Variants in LRIT1 observed in about 807,000 individuals in gnomAD.
LRIT1 encodes leucine-rich repeat, immunoglobulin-like domain and transmembrane domain-containing protein 1.
A neutral mutation model predicts 24.0 loss-of-function variants in LRIT1; 23 were observed. The observed-to-expected ratio is 0.96, with a 90% CI of 0.69 to 1.36. LRIT1 has a LOEUF of 1.36. Among genes scored for constraint, LRIT1 ranks in the 40% most tolerant of loss-of-function variants. The pLI, the probability that LRIT1 is intolerant of heterozygous loss-of-function variation, is 0.00. For synonymous variants in LRIT1, 361 were observed against 340.5 expected (o/e 1.06, Z -0.66); for missense variants, 846 against 806.3 (o/e 1.05, Z -0.60).
Position 84,241,368 on chromosome 10 carries a change from G to T in LRIT1, c.72C>A (p.Pro24=). Residue 24 remains proline, a synonymous_variant, in exon 1 of 4, where the codon CCC becomes CCA. Transcript: ENST00000372105. ...AWPPQARGFC[P]SQCSCSLHIM... ...TATGGAGGCTGCAGCTGCATTGAGA[G>T]GGGCAGAAGCCCCGGGCCTGGGGGG... The T allele has an allele frequency of 6.2e-7, 1 of 1,613,346 alleles. No homozygotes were observed.
intron 1 of LRIT1, among the ~76,000 whole-genome samples, chr10:84,239,384 A>G (rs996104979): frequency 1.3e-5 from 2 of 152,188 alleles, no homozygotes; most frequent in African/African-American, 4.8e-5. Context: ...GTTGGAAGCT[A>G]CAGTGAGCTA....
intron 2 of LRIT1, among the ~76,000 whole-genome samples, chr10:84,235,105 A>G (rs1224429775): frequency 6.6e-6 from 1 of 152,248 alleles, no homozygotes; most frequent in East Asian, 1.9e-4. Context: ...GAAATGCAAG[A>G]TAAATACACT....
rs1842667299 is a variant in LRIT1 at position 84,238,095 on chromosome 10, T to C, written c.123-409A>G. Reference sequence around the variant, plus strand: ...TTGGCCGGGCACAGTGGCTCACGCCTGTAATCCCAGCACTTTGGGAGGTGG... The same window carrying C: ...TTGGCCGGGCACAGTGGCTCACGCCCGTAATCCCAGCACTTTGGGAGGTGG... On this transcript the variant is annotated intron_variant, in intron 1 of 3. Coordinates refer to ENST00000372105, the MANE Select transcript of LRIT1 (RefSeq NM_015613.3). Among the ~76,000 whole-genome samples, 3 of 152,232 alleles carry C rather than the reference T, an allele frequency of 2.0e-5. No homozygotes were observed. In the South Asian group the frequency reaches 6.2e-4, roughly 32 times the overall value.
intron 1 of LRIT1, among the ~76,000 whole-genome samples, chr10:84,239,834 C>G (rs114009801): frequency 2.0e-3 from 301 of 152,344 alleles, no homozygotes; most frequent in African/African-American, 7.0e-3. Context: ...GAGCTTTGGT[C>G]TAACTGCACA....
In LRIT1 at chr10:84,234,119, G is replaced by T. The variant is rs376960383; in HGVS notation, c.849C>A (p.Pro283=). Residue 283 remains proline, a synonymous_variant, in exon 3 of 4, where the codon CCC becomes CCA. Coordinates refer to ENST00000372105, the MANE Select transcript of LRIT1 (RefSeq NM_015613.3). ...LRCGATGVPG[P]EMSWRRANGR... is the part of the protein sequence containing the mutation. ...CATTGGCCCTCCTCCAGCTCATCTC[G>T]GGCCCAGGGACTCCAGTAGCTCCAC... 1.3e-6 allele frequency: 2 copies of T among 1,591,114 alleles called. No homozygotes were observed. Among genetic ancestry groups the T allele is most frequent in the Admixed American group, 3.5e-5 (2 of 57,024 alleles).
At position 84,237,685 on chromosome 10, in the gene LRIT1, T is replaced by C. The variant is rs375567644; in HGVS notation, c.124A>G (p.Thr42Ala). 80 of 1,580,238 alleles carry C rather than the reference T, an allele frequency of 5.1e-5. No individual in the cohort carries two copies. Among genetic ancestry groups the C allele is most frequent in the Non-Finnish European group, 6.3e-5 (74 of 1,165,670 alleles). The change falls in exon 2 of 4, where the codon ACA becomes GCA. Residue 42 changes from threonine (T) to alanine (A), a missense_variant and splice_region_variant. Transcript: ENST00000372105. ...HIMGDGSKARTVVCNDPDMTL... is the reference protein window; with the variant it reads ...HIMGDGSKARAVVCNDPDMTL... ...ATGTCGGGGTCGTTGCACACTACTG[T>C]CCTGCTGGCAGAAATGAGGGATAGT...
In LRIT1 at chr10:84,237,216, T is replaced by C. The variant is rs1424680731; in HGVS notation, c.589+4A>G. 1.3e-6 allele frequency: 2 copies of C among 1,549,182 alleles called. No homozygotes were observed. Among genetic ancestry groups the C allele is most frequent in the South Asian group, 1.2e-5 (1 of 83,912 alleles). On this transcript the variant is annotated splice_donor_region_variant and intron_variant, in intron 2 of 3. Coordinates refer to ENST00000372105, the MANE Select transcript of LRIT1 (RefSeq NM_015613.3). ...GACCCCAGGTGAAGGTTGCCGACCC[T>C]TACCTAGGACCCGCCTGGGGTGGTG...
At position 84,237,410 on chromosome 10, in the gene LRIT1, C is replaced by A. The variant is rs1232915114; in HGVS notation, c.399G>T (p.Leu133=). 1.3e-6 allele frequency: 2 copies of A among 1,547,228 alleles called. No individual in the cohort carries two copies. The highest frequency in any genetic ancestry group is 2.7e-5 in the African/African-American group (2 of 73,078). Reference sequence around the variant, plus strand: ...GGTTGGCCTGCAGGTCCAGCAGCCGCAGCTTGGGGGCGTCCCTGAGCGCCG... The same window carrying A: ...GGTTGGCCTGCAGGTCCAGCAGCCGAAGCTTGGGGGCGTCCCTGAGCGCCG... ...PWAALRDAPK[L]RLLDLQANRL... is the part of the protein sequence containing the mutation. The change falls in exon 2 of 4, where the codon CTG becomes CTT. Residue 133 remains leucine, a synonymous_variant. Coordinates refer to ENST00000372105, the MANE Select transcript of LRIT1 (RefSeq NM_015613.3).
rs373600042 is a variant in LRIT1 at position 84,232,379 on chromosome 10, C to T, written c.1420G>A (p.Val474Met). The T allele has an allele frequency of 3.1e-6, 5 of 1,613,966 alleles. No homozygotes were observed. In the Admixed American group the frequency reaches 6.7e-5, roughly 22 times the overall value. ...AVFGQHSMRR[V>M]IVQPGKTRVT... ...CTGGTCTTCCCAGGCTGCACAATCA[C>T]CCGCCGCATGCTGTGCTGCCCAAAG... Residue 474 changes from valine (V) to methionine (M), a missense_variant, in exon 4 of 4, where the codon GTG (valine) becomes ATG (methionine). Transcript: ENST00000372105.
chr10:84,232,296 CT>C lies in LRIT1; in HGVS notation c.1502del (p.Gln501ArgfsTer32). 6.2e-7 allele frequency: 1 copy of C among 1,614,114 alleles called. No individual in the cohort carries two copies. The highest frequency in any genetic ancestry group is 8.5e-7 in the Non-Finnish European group (1 of 1,180,026). ...ACTGCTCCTTCCGGGGCACCAGGCC[CT>C]GCACACAGACACACGCCACATACTT... is the stretch of plus-strand genomic sequence containing the variant. Reference protein sequence around the residue: ...KTKYVACVCVQGLVPRKEQCV... With the variant: ...KTKYVACVCVXGLVPRKEQCV... On this transcript the variant is annotated frameshift_variant, in exon 4 of 4. Coordinates refer to ENST00000372105, the MANE Select transcript of LRIT1 (RefSeq NM_015613.3). LOFTEE classifies it high-confidence loss of function.
In LRIT1 at chr10:84,232,605, C is replaced by T. The variant is rs749006648; in HGVS notation, c.1194G>A (p.Val398=). Reference sequence around the variant, plus strand: ...GGGTCAGCTCCTCCTTTGTGCTGGGCACAGAGGGTCCAGTGGCCAGGACAG... The same window carrying T: ...GGGTCAGCTCCTCCTTTGTGCTGGGTACAGAGGGTCCAGTGGCCAGGACAG... The part of the protein sequence containing the change: ...KPAVLATGPS[V]PSTKEELTLE... The change falls in exon 4 of 4, where the codon GTG becomes GTA. Residue 398 remains valine, a synonymous_variant. Transcript: ENST00000372105. 8 of 1,613,930 alleles carry T rather than the reference C, an allele frequency of 5.0e-6. No individual in the cohort carries two copies. In the East Asian group the frequency reaches 6.7e-5, roughly 13 times the overall value.
chr10:84,238,259 G>C (rs1446234352), intron 1 of LRIT1, among the ~76,000 whole-genome samples: 1 of 151,864 alleles, frequency 6.6e-6, no homozygotes, highest in African/African-American at 2.4e-5. Flanking sequence ...GGAGGCTGAG[G>C]CGGGACAATC....
Position 84,237,635 on chromosome 10 carries a change from G to A in LRIT1, c.174C>T (p.Pro58=). The A allele has an allele frequency of 6.2e-7, 1 of 1,605,922 alleles. No individual in the cohort carries two copies. The highest frequency in any genetic ancestry group is 8.5e-7 in the Non-Finnish European group (1 of 1,178,944). The change falls in exon 2 of 4, where the codon CCC becomes CCT. Residue 58 remains proline (P), a synonymous_variant. Coordinates refer to ENST00000372105, the MANE Select transcript of LRIT1 (RefSeq NM_015613.3). The stretch of plus-strand genomic sequence containing the variant: ...CCAGGCGCAGTCTGGAGGTGTCCGG[G>A]GGGATGGACGCCGGGGGCAGGGTCA... ...PDMTLPPASI[P]PDTSRLRLER...
rs756027934 is a variant in LRIT1 at position 84,234,075 on chromosome 10, G to A, written c.893C>T (p.Thr298Ile). The change falls in exon 3 of 4, where the codon ACA (threonine) becomes ATA (isoleucine). Residue 298 changes from threonine (T) to isoleucine (I), a missense_variant and splice_region_variant. Thr to Ile is a moderately conservative substitution (Grantham distance 89). Transcript: ENST00000372105. ...CAGCATCCCTGTAGCTCACATACCT[G>A]TACCATTAAGGGGCCTGCCATTGGC... ...RRANGRPLNG[T>I]VHQEVSSDGT... The A allele has an allele frequency of 2.0e-6, 3 of 1,532,622 alleles. No homozygotes were observed. The highest frequency in any genetic ancestry group is 4.0e-5 in the Admixed American group (2 of 49,538). 94.9% of individuals were successfully genotyped at this position (1,532,622 alleles called of 1,614,324 possible).
In LRIT1 at chr10:84,232,832, A is replaced by C. The variant is rs1336400176; in HGVS notation, c.967T>G (p.Ser323Ala). 3.7e-6 allele frequency: 6 copies of C among 1,613,404 alleles called. No individual in the cohort carries two copies. The highest frequency in any genetic ancestry group is 1.3e-5 in the African/African-American group (1 of 75,036). The change falls in exon 4 of 4, where the codon TCC becomes GCC. Residue 323 changes from serine (S) to alanine (A), a missense_variant. Transcript: ENST00000372105. ...TTGGCTTGGCAGATGTAGTCTCCGGAGTCAAGGTGGGACACTGCAGGCAGG... is the reference window on the plus strand; with the variant it reads ...TTGGCTTGGCAGATGTAGTCTCCGGCGTCAAGGTGGGACACTGCAGGCAGG... ...LGLPAVSHLD[S>A]GDYICQAKNF...
intron 1 of LRIT1, among the ~76,000 whole-genome samples, chr10:84,238,087 C>A (rs1273222416): frequency 6.6e-6 from 1 of 152,212 alleles, no homozygotes; most frequent in Non-Finnish European, 1.5e-5. Flanking sequence ...GGCACAGTGG[C>A]TCACGCCTGT....
In LRIT1 at chr10:84,234,226, G is replaced by T; in HGVS notation, c.742C>A (p.Leu248Met). Residue 248 changes from leucine to methionine, a missense_variant, in exon 3 of 4, where the codon CTG becomes ATG. Physicochemically the swap from Leu to Met is conservative, Grantham distance 15 (BLOSUM62 2). Coordinates refer to ENST00000372105, the MANE Select transcript of LRIT1 (RefSeq NM_015613.3). ...LAGVAFSQLE[L>M]RKCQGPELHP... ...AGCTCTGGGCCCTGGCACTTCCTCA[G>T]TTCAAGCTGGCTGAAGGCCACTCCG... 1 of 1,614,038 alleles carries T rather than the reference G, an allele frequency of 6.2e-7. No homozygotes were observed. The highest frequency in any genetic ancestry group is 8.5e-7 in the Non-Finnish European group (1 of 1,180,016).
rs1459043416 is a variant in LRIT1 at position 84,237,453 on chromosome 10, A to T, written c.356T>A (p.Leu119Gln). 1 of 1,561,154 alleles carries T rather than the reference A, an allele frequency of 6.4e-7. No homozygotes were observed. The highest frequency in any genetic ancestry group is 1.9e-5 in the Admixed American group (1 of 52,698). The change falls in exon 2 of 4, where the codon CTG becomes CAG. Residue 119 changes from leucine (L) to glutamine (Q), a missense_variant. By Grantham distance (113) the Leu-to-Gln change is moderately radical. Transcript: ENST00000372105. ...LRELRLPGNR[L>Q]AAFPWAALRD... ...GAGCGCCGCCCAGGGGAAGGCGGCCAGGCGGTTCCCGGGCAGCCGCAGCTC... is the reference window on the plus strand; with the variant it reads ...GAGCGCCGCCCAGGGGAAGGCGGCCTGGCGGTTCCCGGGCAGCCGCAGCTC...
In LRIT1 at chr10:84,241,301, C is replaced by G; in HGVS notation, c.122+17G>C. ...AATGGAGGCTGGGCTGCCCGTCCCA[C>G]GCACCCGGTACCATACCTGGCCTTG... On this transcript the variant is annotated intron_variant, in intron 1 of 3. Coordinates refer to ENST00000372105, the MANE Select transcript of LRIT1 (RefSeq NM_015613.3). 6.2e-7 allele frequency: 1 copy of G among 1,613,838 alleles called. No homozygotes were observed. The highest frequency in any genetic ancestry group is 1.1e-5 in the South Asian group (1 of 91,086).
Sources: allele counts gnomAD v4.1 joint callset (sites outside exome capture counted in the v4.1 genomes callset), GRCh38; gene constraint gnomAD v4.1.1; transcripts MANE v1.5; gene names NCBI Gene and HGNC (gene_info 2026-07-23, HGNC 2026-07-21).